The following FSTL4 variants were observed in gnomAD, a reference collection of about 807,000 sequenced individuals.
FSTL4 encodes follistatin-related protein 4.
FSTL4 carries 28 observed loss-of-function variants against 78.2 expected under a neutral mutation model. The observed-to-expected ratio is 0.36, with a 90% CI of 0.27 to 0.49. The LOEUF (loss-of-function observed/expected upper bound fraction) is 0.49. FSTL4 is among the 20% of genes least tolerant of loss of function. The pLI, the probability that FSTL4 is intolerant of heterozygous loss-of-function variation, is 0.98. For missense variants in FSTL4, 922 were observed against 1,084.9 expected, an observed-to-expected ratio of 0.85 and a Z score of 2.11; for synonymous variants, 422 against 440.5, an observed-to-expected ratio of 0.96 and a Z score of 0.53.
At chr5:133,663,455 T>C in the FSTL4 span, among the ~76,000 whole-genome samples, 1 of 152,256 alleles carries the variant, frequency 6.6e-6, no homozygotes, top group Admixed American at 6.5e-5. Context: ...TCTTCACCAA[T>C]AACTTTTCAT....
At chr5:133,380,178 A>G (rs1326905040) in intron 4 of FSTL4, among the ~76,000 whole-genome samples, 2 of 152,204 alleles carry the variant, frequency 1.3e-5, no homozygotes, top group Admixed American at 6.5e-5. Context: ...GCAAGCAAGT[A>G]GTAAAGATTA....
intron 4 of FSTL4, among the ~76,000 whole-genome samples, chr5:133,332,626 T>A (rs889183559): frequency 3.9e-5 from 6 of 152,230 alleles, no homozygotes; most frequent in Non-Finnish European, 8.8e-5. Context: ...TGCTTCAGAA[T>A]GTGTTAACCT....
chr5:133,410,366 C>T (rs377330139), intron 3 of FSTL4, among the ~76,000 whole-genome samples: 67 of 152,332 alleles, frequency 4.4e-4, no homozygotes, highest in African/African-American at 1.5e-3. Context: ...GGGCTCCCTC[C>T]GTCTTGGAGC....
At chr5:133,797,976 C>A in the FSTL4 span, among the ~76,000 whole-genome samples, 4 of 152,184 alleles carry the variant, frequency 2.6e-5, no homozygotes, top group African/African-American at 9.6e-5. Flanking sequence ...TCCCCACCCC[C>A]ACAAACACAC....
At chr5:133,779,284 C>G in the FSTL4 span, among the ~76,000 whole-genome samples, 1 of 152,206 alleles carries the variant, frequency 6.6e-6, no homozygotes, top group Non-Finnish European at 1.5e-5. Context: ...AGAGATCTTC[C>G]CTTATAAAAT....
At chr5:133,716,178 A>T in the FSTL4 span, among the ~76,000 whole-genome samples, 2 of 152,174 alleles carry the variant, frequency 1.3e-5, no homozygotes, top group Non-Finnish European at 2.9e-5. Flanking sequence ...CTAAGAATGG[A>T]TCCAATTTTT....
the FSTL4 span, among the ~76,000 whole-genome samples, chr5:133,822,298 T>C: frequency 6.6e-6 from 1 of 152,182 alleles, no homozygotes; most frequent in Non-Finnish European, 1.5e-5. Flanking sequence ...AATTGTTAAG[T>C]TAGCCTTTTG....
chr5:133,709,272 G>A, the FSTL4 span, among the ~76,000 whole-genome samples: 1 of 152,212 alleles, frequency 6.6e-6, no homozygotes, highest in East Asian at 1.9e-4. Flanking sequence ...TCCCAATCAA[G>A]AGCCCATCTA....
intron 2 of FSTL4, among the ~76,000 whole-genome samples, chr5:133,589,714 G>A (rs1760584632): frequency 6.6e-6 from 1 of 152,098 alleles, no homozygotes; most frequent in Non-Finnish European, 1.5e-5. Context: ...CCTCTGATGT[G>A]ACGTTGTCTG....
At chr5:133,536,059 G>A (rs564893916) in intron 3 of FSTL4, among the ~76,000 whole-genome samples, 4 of 152,120 alleles carry the variant, frequency 2.6e-5, no homozygotes, top group Non-Finnish European at 5.9e-5. Flanking sequence ...AAATACACAC[G>A]GAATGGTGAA....
chr5:133,409,991 T>G (rs1384487135), intron 3 of FSTL4, among the ~76,000 whole-genome samples: 3 of 152,344 alleles, frequency 2.0e-5, no homozygotes, highest in Non-Finnish European at 4.4e-5. Context: ...GAATTGAGGA[T>G]GTACATCAGA....
In FSTL4 at chr5:133,596,488, TAACAC is replaced by T. The variant is rs540684368; in HGVS notation, c.126+7365_126+7369del. 3.9e-5 allele frequency among the ~76,000 whole-genome samples: 6 copies of T among 152,206 alleles called. No individual in the cohort carries two copies. The East Asian group carries it at 9.7e-4, about 24-fold the overall frequency. On this transcript the variant is annotated intron_variant, in intron 2 of 15. Coordinates refer to ENST00000265342, the MANE Select transcript of FSTL4 (RefSeq NM_015082.2). ...CACAGTTTTCAATCTAGATCCCAAA[TAACAC>T]AAAACCTTAACCTTCAAAGTATTTT...
intron 2 of FSTL4, among the ~76,000 whole-genome samples, chr5:133,602,585 G>A (rs1760894837): frequency 6.6e-6 from 1 of 152,098 alleles, no homozygotes; most frequent in African/African-American, 2.4e-5. Flanking sequence ...TTTTCTCTTG[G>A]TATGGATATG....
intron 3 of FSTL4, among the ~76,000 whole-genome samples, chr5:133,444,849 T>A (rs1757227889): frequency 6.6e-6 from 1 of 152,158 alleles, no homozygotes; most frequent in African/African-American, 2.4e-5. Flanking sequence ...ACTAAGCCCA[T>A]GGCATCTCTC....
chr5:133,269,184 C>CAAAAAAA (rs869156118), intron 6 of FSTL4, among the ~76,000 whole-genome samples: 3 of 58,962 alleles, frequency 5.1e-5, no homozygotes, highest in East Asian at 5.2e-4. Flanking sequence ...GACTCCATCT[C>CAAAAAAA]AAAAAAAAAA....
At chr5:133,530,645 C>T (rs1386812332) in intron 3 of FSTL4, among the ~76,000 whole-genome samples, 1 of 152,228 alleles carries the variant, frequency 6.6e-6, no homozygotes, top group Non-Finnish European at 1.5e-5. Flanking sequence ...AAGAGAACCT[C>T]ATCTCCTCCA....
At chr5:133,616,398 C>T (rs256242), upstream of FSTL4, among the ~76,000 whole-genome samples, 133,067 of 151,850 alleles carry the variant, frequency 0.88, 58,378 homozygotes, top group East Asian at 0.97. Flanking sequence ...TCCATTCTTT[C>T]TTTTCCTCTT....
At chr5:133,503,557 A>G (rs535186250) in intron 3 of FSTL4, among the ~76,000 whole-genome samples, 145 of 152,282 alleles carry the variant, frequency 9.5e-4, no homozygotes, top group African/African-American at 2.6e-3. Context: ...CCTTCCCATG[A>G]AAGAGGTCAG....
chr5:133,823,875 AC>A, the FSTL4 span, among the ~76,000 whole-genome samples: 2 of 152,218 alleles, frequency 1.3e-5, no homozygotes, highest in Non-Finnish European at 2.9e-5. Context: ...CCGCTGCAGA[AC>A]AGCTCCCCTT....
Sources: gnomAD v4.1 joint callset for allele counts (sites outside exome capture counted in the v4.1 genomes callset) on GRCh38, gnomAD v4.1.1 for gene constraint, MANE v1.5 for transcripts, NCBI Gene and HGNC (gene_info 2026-07-23, HGNC 2026-07-21) for gene names.